Variants in EDA observed in about 807,000 individuals in gnomAD.
EDA encodes ectodysplasin-A.
In EDA, 2 loss-of-function variants were observed where a neutral mutation model predicts 23.6. That is an observed-to-expected ratio of 0.08 (90% CI 0.03 to 0.27). The LOEUF (loss-of-function observed/expected upper bound fraction) is 0.27, where lower values mean the gene tolerates loss of function less well. EDA is among the 10% of genes least tolerant of loss of function. The pLI, the probability that EDA is intolerant of heterozygous loss-of-function variation, is 1.00. For missense variants in EDA, 229 were observed against 324.2 expected (o/e 0.71, Z 2.26); for synonymous variants, 131 against 132.0 (o/e 0.99, Z 0.05).
intron 1 of EDA, among the ~76,000 whole-genome samples, chrX:69,933,849 T>A (rs1322892429): frequency 1.8e-5 from 2 of 112,154 alleles, no homozygotes; most frequent in Admixed American, 9.5e-5. Context: ...GTTTTTGTTA[T>A]CAGACTCAAC....
rs1043049764 is a variant in EDA at position 70,028,183 on chromosome X, T to C, written c.706+147T>C. ...CAGATCTCCTAGCCCAGTGTAAAAC[T>C]AGGAATTGGACAAGCCAGTAGGGCC... On this transcript the variant is annotated intron_variant, in intron 4 of 7. Coordinates refer to ENST00000374552, the MANE Select transcript of EDA (RefSeq NM_001399.5). The C allele has an allele frequency of 3.9e-6, 4 of 1,026,703 alleles. No individual in the cohort carries two copies. The African/African-American group carries it at 7.7e-5, about 20-fold the overall frequency. 84.6% of individuals were successfully genotyped at this position (1,026,703 alleles called of 1,213,427 possible). A position where few individuals can be genotyped will look rare whatever the true frequency, so the allele number is the denominator to read the frequency against.
At chrX:69,891,854 C>A (rs937374691) in intron 1 of EDA, among the ~76,000 whole-genome samples, 2 of 110,985 alleles carry the variant, frequency 1.8e-5, no homozygotes, top group African/African-American at 6.6e-5. Flanking sequence ...GTGCAGCAAA[C>A]CACCGTGGCA....
intron 1 of EDA, among the ~76,000 whole-genome samples, chrX:69,916,058 G>T (rs751552872): frequency 8.9e-6 from 1 of 111,816 alleles, no homozygotes; most frequent in African/African-American, 3.2e-5. Flanking sequence ...ATACCGTTAA[G>T]TGCAGACTTT....
intron 1 of EDA, among the ~76,000 whole-genome samples, chrX:69,830,747 A>G (rs1168430937): frequency 8.9e-6 from 1 of 112,081 alleles, no homozygotes; most frequent in Non-Finnish European, 1.9e-5. Flanking sequence ...TCAGTAGCTA[A>G]CTGGATATTG....
At chrX:70,021,734 A>T (rs1415873969) in intron 2 of EDA, among the ~76,000 whole-genome samples, 2 of 111,981 alleles carry the variant, frequency 1.8e-5, no homozygotes, top group Non-Finnish European at 3.8e-5. Context: ...AATCTAAAAC[A>T]TCCCCTGGAC....
intron 1 of EDA, among the ~76,000 whole-genome samples, chrX:69,653,239 A>G (rs1194770774): frequency 9.0e-6 from 1 of 111,484 alleles, no homozygotes; most frequent in East Asian, 2.8e-4. Context: ...CTTGGAAGCA[A>G]TTGTGAATGG....
intron 1 of EDA, among the ~76,000 whole-genome samples, chrX:69,704,132 T>A (rs1222432724): frequency 8.9e-6 from 1 of 111,832 alleles, no homozygotes; most frequent in Admixed American, 9.5e-5. Context: ...TGCTACAGCT[T>A]GGTTTTACAC....
intron 1 of EDA, among the ~76,000 whole-genome samples, chrX:69,711,744 T>G (rs1050052017): frequency 1.8e-5 from 2 of 111,857 alleles, no homozygotes; most frequent in South Asian, 3.7e-4. Context: ...GTCGAGGAAT[T>G]TATCCATTTC....
chrX:69,857,700 T>A (rs1328034919), intron 1 of EDA, among the ~76,000 whole-genome samples: 1 of 110,775 alleles, frequency 9.0e-6, no homozygotes, highest in African/African-American at 3.3e-5. Flanking sequence ...TGTTTCCATT[T>A]TGTCTATGTG....
chrX:69,819,805 A>C (rs1053907961), intron 1 of EDA, among the ~76,000 whole-genome samples: 22 of 110,446 alleles, frequency 2.0e-4, no homozygotes, highest in African/African-American at 6.3e-4. Flanking sequence ...TTGCTGCCCC[A>C]AAGTAATTTA....
At chrX:69,752,674 C>G (rs2013931775) in intron 1 of EDA, among the ~76,000 whole-genome samples, 1 of 111,986 alleles carries the variant, frequency 8.9e-6, no homozygotes, top group South Asian at 3.7e-4. Flanking sequence ...CTTTGTACCT[C>G]TGGTAGAATT....
chrX:69,998,567 G>T (rs771308133), intron 2 of EDA, among the ~76,000 whole-genome samples: 1 of 112,041 alleles, frequency 8.9e-6, no homozygotes, highest in East Asian at 2.8e-4. Context: ...AGGCATGATT[G>T]GTTTTGAAAT....
At chrX:69,883,821 G>A (rs898862666) in intron 1 of EDA, among the ~76,000 whole-genome samples, 3 of 111,533 alleles carry the variant, frequency 2.7e-5, no homozygotes, top group Non-Finnish European at 3.8e-5. Context: ...AGGGGGCCAG[G>A]TGTGGTGGCT....
intron 2 of EDA, among the ~76,000 whole-genome samples, chrX:69,966,004 G>A (rs751973639): frequency 1.8e-5 from 2 of 111,501 alleles, no homozygotes; most frequent in African/African-American, 6.5e-5. Context: ...CTATGATTGA[G>A]CCTCTGCTCT....
intron 1 of EDA, among the ~76,000 whole-genome samples, chrX:69,857,112 C>T (rs891580002): frequency 9.9e-5 from 11 of 111,635 alleles, no homozygotes; most frequent in African/African-American, 3.2e-4. Flanking sequence ...ATCCCAGAAC[C>T]GGTTGTTGAA....
chrX:69,737,988 G>A (rs1159835890), intron 1 of EDA, among the ~76,000 whole-genome samples: 1 of 110,968 alleles, frequency 9.0e-6, no homozygotes, highest in Admixed American at 9.6e-5. Flanking sequence ...GCTGCCTTTA[G>A]CATTTTCTCT....
chrX:69,855,375 G>A (rs145369353), intron 1 of EDA, among the ~76,000 whole-genome samples: 1 of 111,421 alleles, frequency 9.0e-6, no homozygotes, highest in African/African-American at 3.3e-5. Context: ...TTTCTTCGTT[G>A]TGAAATCTTT....
chrX:69,896,882 T>G (rs1305680716), intron 1 of EDA, among the ~76,000 whole-genome samples: 1 of 112,010 alleles, frequency 8.9e-6, no homozygotes, highest in Non-Finnish European at 1.9e-5. Context: ...TTACCTTAAT[T>G]TTCCTGTACT....
intron 2 of EDA, among the ~76,000 whole-genome samples, chrX:69,970,377 C>G (rs1465506278): frequency 9.0e-6 from 1 of 111,326 alleles, no homozygotes; most frequent in Non-Finnish European, 1.9e-5. Flanking sequence ...TTGCAGGCAA[C>G]ATAACAGGTG....
Sources: gnomAD v4.1 joint callset for allele counts (sites outside exome capture counted in the v4.1 genomes callset) on GRCh38, gnomAD v4.1.1 for gene constraint, MANE v1.5 for transcripts, NCBI Gene and HGNC (gene_info 2026-07-23, HGNC 2026-07-21) for gene names.